FABP12: variants seen among roughly 807,000 people sequenced by gnomAD.
FABP12 encodes fatty acid binding protein 12, also known as fatty acid-binding protein 12.
FABP12 carries 19 observed loss-of-function variants against 13.7 expected under a neutral mutation model. The observed-to-expected ratio is 1.39, with a 90% CI of 0.97 to 2.04. The LOEUF is 2.04. Ranked by LOEUF, FABP12 falls within the 30% of genes most tolerant of loss-of-function variation. The pLI, the probability that FABP12 is intolerant of heterozygous loss-of-function variation, is 0.00. For synonymous variants in FABP12, 61 were observed against 57.0 expected (o/e 1.07, Z -0.32); for missense variants, 182 against 164.2 (o/e 1.11, Z -0.59).
intron 1 of FABP12, among the ~76,000 whole-genome samples, chr8:81,563,559 C>T (rs1474415540): frequency 6.6e-6 from 1 of 152,060 alleles, no homozygotes; most frequent in African/African-American, 2.4e-5. Flanking sequence ...AATTCAGAGT[C>T]TGATCAGATA....
upstream of FABP12, among the ~76,000 whole-genome samples, chr8:81,534,176 C>T (rs887162042): frequency 6.6e-6 from 1 of 152,036 alleles, no homozygotes; most frequent in Non-Finnish European, 1.5e-5. Flanking sequence ...CTCACTAACA[C>T]CTCCAGCACC....
At chr8:81,557,607 G>A (rs970944174) in intron 1 of FABP12, among the ~76,000 whole-genome samples, 55 of 152,204 alleles carry the variant, frequency 3.6e-4, no homozygotes, top group African/African-American at 1.2e-3. Flanking sequence ...AGCTATATAA[G>A]CAGTGATTAT....
intron 1 of FABP12, among the ~76,000 whole-genome samples, chr8:81,587,659 A>C (rs1346460125): frequency 6.6e-6 from 1 of 152,104 alleles, no homozygotes; most frequent in East Asian, 1.9e-4. Context: ...ATGTATAGAA[A>C]TGCTACTAAT....
chr8:81,562,004 C>T (rs2130047216), intron 1 of FABP12, among the ~76,000 whole-genome samples: 1 of 152,274 alleles, frequency 6.6e-6, no homozygotes, highest in South Asian at 2.1e-4. Flanking sequence ...TCTTCCAACA[C>T]CAGGCAGTAC....
At chr8:81,550,971 A>G (rs574595676) in intron 1 of FABP12, among the ~76,000 whole-genome samples, 72 of 152,262 alleles carry the variant, frequency 4.7e-4, no homozygotes, top group Non-Finnish European at 7.4e-4. Context: ...AGGAAGGTTA[A>G]TTTCCCTTCA....
Position 81,558,362 on chromosome 8 carries a change from A to C in FABP12, c.-184-18619T>G, listed in dbSNP as rs570751319. ...CATCCTTAGGTAACGGATTTTGAGC[A>C]ATTTGCAGGTCTAGGAAAGGTAACA... On this transcript the variant is annotated intron_variant, in intron 1 of 5. Transcript: ENST00000692030. 3.9e-5 allele frequency among the ~76,000 whole-genome samples: 6 copies of C among 152,204 alleles called. No individual in the cohort carries two copies. In the South Asian group the frequency reaches 1.2e-3, roughly 32 times the overall value.
At chr8:81,535,870 C>T (rs1224890200), upstream of FABP12, among the ~76,000 whole-genome samples, 2 of 152,118 alleles carry the variant, frequency 1.3e-5, no homozygotes, top group African/African-American at 4.8e-5. Context: ...TCTACTGGGG[C>T]GCTCATCCTT....
intron 1 of FABP12, among the ~76,000 whole-genome samples, chr8:81,578,825 T>TTCTTTC (rs796181201): frequency 1.7e-4 from 19 of 111,470 alleles, no homozygotes; most frequent in South Asian, 6.1e-4. Context: ...TTGTTCAAGT[T>TTCTTTC]TTTTTTTTTT....
At chr8:81,532,615 G>A (rs1809102428) in intron 1 of FABP12, among the ~76,000 whole-genome samples, 1 of 152,186 alleles carries the variant, frequency 6.6e-6, no homozygotes, top group Admixed American at 6.5e-5. Flanking sequence ...GAGGTCAGGA[G>A]TTCAAGATCA....
chr8:81,540,501 T>C (rs1047063223), intron 1 of FABP12, among the ~76,000 whole-genome samples: 9 of 152,202 alleles, frequency 5.9e-5, no homozygotes, highest in Admixed American at 3.9e-4. Flanking sequence ...TTAATCTTCA[T>C]GTAATCTCAG....
intron 2 of FABP12, among the ~76,000 whole-genome samples, chr8:81,530,861 AC>A (rs1396675865): frequency 6.6e-6 from 1 of 152,204 alleles, no homozygotes; most frequent in Non-Finnish European, 1.5e-5. Context: ...GCTGGCACAC[AC>A]TAAGGAAAGC....
chr8:81,528,435 A>C (rs1808967361), intron 3 of FABP12, among the ~76,000 whole-genome samples: 2 of 152,214 alleles, frequency 1.3e-5, no homozygotes, highest in Admixed American at 1.3e-4. Flanking sequence ...CATATTAAGC[A>C]TTTAAGTCAA....
chr8:81,554,283 T>C (rs369103161), intron 1 of FABP12, among the ~76,000 whole-genome samples: 11 of 152,112 alleles, frequency 7.2e-5, no homozygotes, highest in African/African-American at 2.7e-4. Flanking sequence ...AGAAGCCACA[T>C]TGGAAGGCCT....
At chr8:81,577,138 T>C (rs1409261022) in intron 1 of FABP12, among the ~76,000 whole-genome samples, 1 of 152,266 alleles carries the variant, frequency 6.6e-6, no homozygotes, top group African/African-American at 2.4e-5. Flanking sequence ...CATGTCATTT[T>C]GCATGTGTGA....
intron 1 of FABP12, among the ~76,000 whole-genome samples, chr8:81,570,784 T>C (rs1809915598): frequency 6.6e-6 from 1 of 152,118 alleles, no homozygotes; most frequent in East Asian, 1.9e-4. Flanking sequence ...GGGACTTTTA[T>C]TGCCTTAAAG....
chr8:81,575,429 C>T (rs1251946584), intron 1 of FABP12, among the ~76,000 whole-genome samples: 7 of 152,042 alleles, frequency 4.6e-5, no homozygotes, highest in African/African-American at 1.4e-4. Context: ...GTGTATTCTG[C>T]GGTTGTTGCA....
intron 1 of FABP12, among the ~76,000 whole-genome samples, chr8:81,584,915 T>C (rs1810220812): frequency 6.6e-6 from 1 of 152,216 alleles, no homozygotes; most frequent in South Asian, 2.1e-4. Context: ...TGAGCACCTT[T>C]TCATATACCT....
intron 1 of FABP12, among the ~76,000 whole-genome samples, chr8:81,543,529 C>T (rs1370504370): frequency 1.3e-5 from 2 of 152,138 alleles, no homozygotes; most frequent in African/African-American, 4.8e-5. Flanking sequence ...AGTTATGTTT[C>T]AGAGATGCCT....
chr8:81,561,703 G>A (rs193135694), intron 1 of FABP12, among the ~76,000 whole-genome samples: 1 of 152,302 alleles, frequency 6.6e-6, no homozygotes, highest in African/African-American at 2.4e-5. Context: ...AAAGCCGAAA[G>A]CAACACTAGA....
Sources: allele counts gnomAD v4.1 joint callset (sites outside exome capture counted in the v4.1 genomes callset), GRCh38; gene constraint gnomAD v4.1.1; transcripts MANE v1.5; gene names NCBI Gene and HGNC (gene_info 2026-07-23, HGNC 2026-07-21).